PREX2: variants seen among roughly 807,000 people sequenced by gnomAD.
PREX2 encodes phosphatidylinositol 3,4,5-trisphosphate-dependent Rac exchanger 2 protein.
In PREX2, 107 loss-of-function variants were observed where a neutral mutation model predicts 203.2. The ratio of observed to expected loss-of-function variants is 0.53; its 90% confidence interval spans 0.45 to 0.62. The LOEUF is 0.62. PREX2 is among the 20% of genes least tolerant of loss of function. PREX2 has a pLI of 0.00. For synonymous variants in PREX2, 672 were observed against 663.6 expected, an observed-to-expected ratio of 1.01 and a Z score of -0.19; for missense variants, 1,777 against 1,955.9, an observed-to-expected ratio of 0.91 and a Z score of 1.72.
At chr8:68,157,245 A>G in intron 34 of PREX2, 77 bp from the exon 35 acceptor site, 1 of 661,028 alleles carries the variant, frequency 1.5e-6, no homozygotes, top group South Asian at 2.9e-5. Context: ...ATTTACTAAT[A>G]ATCAATAAAA....
intron 35 of PREX2, among the ~76,000 whole-genome samples, chr8:68,188,083 C>T (rs564490192): frequency 5.3e-5 from 8 of 152,254 alleles, no homozygotes; most frequent in East Asian, 1.9e-4. Context: ...TTTTGTGATG[C>T]TTGGTGTTTA....
At chr8:68,048,537 C>T (rs1273201610) in intron 8 of PREX2, among the ~76,000 whole-genome samples, 1 of 151,898 alleles carries the variant, frequency 6.6e-6, no homozygotes, top group African/African-American at 2.4e-5. Context: ...TTAGCTCTCC[C>T]TTTATATATA....
At chr8:68,045,825 C>T (rs911606632) in intron 8 of PREX2, among the ~76,000 whole-genome samples, 8 of 152,068 alleles carry the variant, frequency 5.3e-5, no homozygotes, top group South Asian at 2.1e-4. Context: ...GGGACCTAGT[C>T]GGCTATCTTT....
At chr8:68,004,883 A>G (rs1479735059) in intron 1 of PREX2, among the ~76,000 whole-genome samples, 1 of 152,208 alleles carries the variant, frequency 6.6e-6, no homozygotes. Flanking sequence ...ATATTTTTTG[A>G]CGGCTTTCCT....
In PREX2 at chr8:67,985,507, C is replaced by T. The variant is rs373923076; in HGVS notation, c.142-32339C>T. 2.6e-5 allele frequency among the ~76,000 whole-genome samples: 4 copies of T among 152,176 alleles called. No individual in the cohort carries two copies. In the East Asian group the frequency reaches 7.7e-4, roughly 29 times the overall value. On this transcript the variant is annotated intron_variant, in intron 1 of 39. Transcript: ENST00000288368. ...CTAATGAAATATGGAAAAGGTAGTTCTCTTTGGTCTAAATGTCAATATTAG... is the reference window on the plus strand; with the variant it reads ...CTAATGAAATATGGAAAAGGTAGTTTTCTTTGGTCTAAATGTCAATATTAG...
At chr8:67,965,281 GT>G (rs1805734976) in intron 1 of PREX2, among the ~76,000 whole-genome samples, 1 of 152,098 alleles carries the variant, frequency 6.6e-6, no homozygotes, top group South Asian at 2.1e-4. Flanking sequence ...GTTAATATAT[GT>G]TGGTACTGAT....
chr8:68,098,476 T>G (rs1376196205), intron 22 of PREX2, among the ~76,000 whole-genome samples: 1 of 152,150 alleles, frequency 6.6e-6, no homozygotes, highest in Non-Finnish European at 1.5e-5. Flanking sequence ...ATATATCTAC[T>G]GATATCTAAA....
intron 35 of PREX2, among the ~76,000 whole-genome samples, chr8:68,172,417 G>A (rs186162219): frequency 1.2e-4 from 19 of 152,330 alleles, no homozygotes; most frequent in African/African-American, 4.3e-4. Flanking sequence ...GTGCCCGAGA[G>A]CCTCACAAGA....
chr8:67,975,694 C>CTTTCTTTTTTT (rs1806058466), intron 1 of PREX2, among the ~76,000 whole-genome samples: 1 of 74,990 alleles, frequency 1.3e-5, no homozygotes. Context: ...ATTTCTCTTT[C>CTTTCTTTTTTT]TTTTTTTTTT....
At chr8:68,201,579 T>A (rs1812503697) in intron 37 of PREX2, among the ~76,000 whole-genome samples, 1 of 152,126 alleles carries the variant, frequency 6.6e-6, no homozygotes. Flanking sequence ...TTCTGCCTGC[T>A]TTTATTTATT....
intron 10 of PREX2, among the ~76,000 whole-genome samples, chr8:68,058,635 A>G (rs938971689): frequency 6.6e-6 from 1 of 152,018 alleles, no homozygotes; most frequent in Non-Finnish European, 1.5e-5. Flanking sequence ...GAGTTTCACC[A>G]TATTGGCCAG....
At chr8:68,047,136 G>A (rs553990324) in intron 8 of PREX2, among the ~76,000 whole-genome samples, 1 of 152,110 alleles carries the variant, frequency 6.6e-6, no homozygotes, top group South Asian at 2.1e-4. Context: ...TCAGCGTATG[G>A]AGGTTGGGTT....
rs1279898201 is a variant in PREX2 at position 68,120,985 on chromosome 8, A to G, written c.3660A>G (p.Gln1220=). ...CPKRLRLHIK[Q]DPWNLPSSVR... ...AAAGGCTACGGCTTCATATCAAGCAAGATCCTTGGAATCTTCCCAGCAGCG... is the reference window on the plus strand; with the variant it reads ...AAAGGCTACGGCTTCATATCAAGCAGGATCCTTGGAATCTTCCCAGCAGCG... The change falls in exon 30 of 40, where the codon CAA becomes CAG. Residue 1220 remains glutamine (Q), a synonymous_variant. Transcript: ENST00000288368. 6.2e-7 allele frequency: 1 copy of G among 1,613,842 alleles called. No individual in the cohort carries two copies. The highest frequency in any genetic ancestry group is 8.5e-7 in the Non-Finnish European group (1 of 1,179,772).
At position 68,235,545 on chromosome 8, in the gene PREX2, G is replaced by T. The variant is rs1286861641; in HGVS notation, c.*4167G>T. ...AATGACTTAAAGTGATCTGAATTTTGATTGAGAAAAATAATCTGTCTTCTA... is the reference window on the plus strand; with the variant it reads ...AATGACTTAAAGTGATCTGAATTTTTATTGAGAAAAATAATCTGTCTTCTA... On this transcript the variant is annotated 3_prime_UTR_variant, in exon 40 of 40. Transcript: ENST00000288368. The T allele has an allele frequency of 6.6e-6, 1 of 152,096 alleles. No individual in the cohort carries two copies. The highest frequency in any genetic ancestry group is 1.5e-5 in the Non-Finnish European group (1 of 68,008). 9.4% of individuals were successfully genotyped at this position (152,096 alleles called of 1,614,324 possible). A position where few individuals can be genotyped will look rare whatever the true frequency, so the allele number is the denominator to read the frequency against.
chr8:68,084,530 C>A (rs1436337862), intron 18 of PREX2, among the ~76,000 whole-genome samples: 1 of 152,098 alleles, frequency 6.6e-6, no homozygotes, highest in Non-Finnish European at 1.5e-5. Context: ...GGGCTGGGTT[C>A]TCCCTAGTGA....
intron 4 of PREX2, 56 bp from the exon 5 acceptor site, chr8:68,027,166 G>A: frequency 7.7e-7 from 1 of 1,303,766 alleles, no homozygotes; most frequent in Admixed American, 1.7e-5. Flanking sequence ...GTGGAAGAAA[G>A]TTTCACAGCG....
intron 1 of PREX2, among the ~76,000 whole-genome samples, chr8:67,985,097 C>T (rs1419976534): frequency 6.6e-6 from 1 of 152,026 alleles, no homozygotes; most frequent in African/African-American, 2.4e-5. Flanking sequence ...CAAGTTCTTG[C>T]CAGTTGCTAG....
At chr8:67,993,531 T>A (rs549529638) in intron 1 of PREX2, among the ~76,000 whole-genome samples, 1 of 151,438 alleles carries the variant, frequency 6.6e-6, no homozygotes, top group South Asian at 2.1e-4. Context: ...CTCAGCCTCC[T>A]AAGTAGCAGG....
At chr8:68,136,391 C>G (rs376776219) in intron 32 of PREX2, among the ~76,000 whole-genome samples, 2 of 152,200 alleles carry the variant, frequency 1.3e-5, no homozygotes, top group African/African-American at 4.8e-5. Context: ...GTCACAAAGG[C>G]AGAAAGAAAA....
Sources: allele counts gnomAD v4.1 joint callset (sites outside exome capture counted in the v4.1 genomes callset), GRCh38; gene constraint gnomAD v4.1.1; transcripts MANE v1.5; gene names NCBI Gene and HGNC (gene_info 2026-07-23, HGNC 2026-07-21).